Variants in PDE4D observed in about 807,000 individuals in gnomAD.
PDE4D encodes phosphodiesterase 4D.
In PDE4D, 24 loss-of-function variants were observed where a neutral mutation model predicts 87.4. The ratio of observed to expected loss-of-function variants is 0.27; its 90% CI spans 0.20 to 0.39. The LOEUF (loss-of-function observed/expected upper bound fraction) is 0.39. Among genes scored for constraint, PDE4D ranks in the 10% least tolerant of loss-of-function variants. The pLI is 1.00. For synonymous variants in PDE4D, 384 were observed against 383.2 expected, an observed-to-expected ratio of 1.00 and a Z score of -0.02; for missense variants, 714 against 1,041.0, an observed-to-expected ratio of 0.69 and a Z score of 4.32.
At chr5:59,041,545 G>A (rs1427502852) in intron 5 of PDE4D, among the ~76,000 whole-genome samples, 1 of 152,164 alleles carries the variant, frequency 6.6e-6, no homozygotes, top group East Asian at 1.9e-4. Flanking sequence ...TCCATAGTTA[G>A]CCTATCCAGT....
At chr5:59,036,268 A>G (rs2291852) in intron 6 of PDE4D, among the ~76,000 whole-genome samples, 19,756 of 152,218 alleles carry the variant, frequency 0.13, 1,930 homozygotes, top group East Asian at 0.49. Flanking sequence ...TTTTCAATCT[A>G]TTAGAGTAAA....
At chr5:60,011,179 G>A (rs1334977817) in intron 2 of PDE4D, among the ~76,000 whole-genome samples, 1 of 152,140 alleles carries the variant, frequency 6.6e-6, no homozygotes, top group Non-Finnish European at 1.5e-5. Flanking sequence ...TTTTCATAGA[G>A]AATTTCAAAC....
At chr5:60,301,843 T>C (rs2149793456) in intron 1 of PDE4D, among the ~76,000 whole-genome samples, 1 of 152,326 alleles carries the variant, frequency 6.6e-6, no homozygotes, top group East Asian at 1.9e-4. Flanking sequence ...TTGAGGTATG[T>C]TCATTCAATA....
At chr5:59,822,738 G>A (rs939282995) in intron 1 of PDE4D, among the ~76,000 whole-genome samples, 7 of 152,144 alleles carry the variant, frequency 4.6e-5, no homozygotes, top group African/African-American at 1.7e-4. Flanking sequence ...GTCCAATCCA[G>A]CTTTATACGT....
At chr5:59,488,656 T>C (rs1305054516) in intron 1 of PDE4D, among the ~76,000 whole-genome samples, 2 of 148,964 alleles carry the variant, frequency 1.3e-5, no homozygotes, top group Admixed American at 1.3e-4. Flanking sequence ...TCAAAAAATA[T>C]AACCACTAGA....
At chr5:59,044,087 G>A (rs1760214816) in intron 5 of PDE4D, among the ~76,000 whole-genome samples, 1 of 152,132 alleles carries the variant, frequency 6.6e-6, no homozygotes, top group Non-Finnish European at 1.5e-5. Context: ...GGGATGGCTG[G>A]GTCAAATGGT....
chr5:59,511,058 A>C (rs895045605), intron 1 of PDE4D, among the ~76,000 whole-genome samples: 3 of 151,978 alleles, frequency 2.0e-5, no homozygotes, highest in Non-Finnish European at 4.4e-5. Context: ...TTTGGTTACA[A>C]AATGACAGGG....
chr5:59,814,034 A>G (rs1768688304), intron 1 of PDE4D, among the ~76,000 whole-genome samples: 1 of 152,230 alleles, frequency 6.6e-6, no homozygotes, highest in Admixed American at 6.5e-5. Flanking sequence ...GGAAGACGAG[A>G]TAATTTAGCG....
chr5:60,431,185 T>C, intron 1 of PDE4D: 1 of 191,560 alleles, frequency 5.2e-6, no homozygotes, highest in Non-Finnish European at 1.0e-5. Flanking sequence ...CCCCCCCACC[T>C]CCCTCCCAGA....
At chr5:59,644,356 T>C (rs965971012) in intron 1 of PDE4D, among the ~76,000 whole-genome samples, 1 of 152,214 alleles carries the variant, frequency 6.6e-6, no homozygotes, top group Non-Finnish European at 1.5e-5. Context: ...ACTTCTAGGA[T>C]TTCTCTCAGT....
chr5:59,529,512 A>G (rs1368762583), intron 1 of PDE4D, among the ~76,000 whole-genome samples: 1 of 152,158 alleles, frequency 6.6e-6, no homozygotes, highest in African/African-American at 2.4e-5. Flanking sequence ...ACAAGCATTG[A>G]CCTTTGAAGA....
At chr5:60,017,418 A>C (rs1005504835) in intron 2 of PDE4D, among the ~76,000 whole-genome samples, 6 of 152,080 alleles carry the variant, frequency 3.9e-5, no homozygotes, top group Non-Finnish European at 7.4e-5. Flanking sequence ...CCCCACATGC[A>C]TTAGCTATTT....
intron 1 of PDE4D, among the ~76,000 whole-genome samples, chr5:60,385,230 T>C (rs1249143276): frequency 6.6e-6 from 1 of 152,186 alleles, no homozygotes; most frequent in Admixed American, 6.5e-5. Flanking sequence ...TAGGAGGGTA[T>C]GGAAGAATGG....
intron 1 of PDE4D, among the ~76,000 whole-genome samples, chr5:59,644,620 G>A (rs1470410840): frequency 6.6e-6 from 1 of 152,152 alleles, no homozygotes; most frequent in Non-Finnish European, 1.5e-5. Context: ...TAGTTCATAG[G>A]TTCTCATCAC....
chr5:59,663,402 T>A (rs298055), intron 1 of PDE4D, among the ~76,000 whole-genome samples: 61,110 of 151,900 alleles, frequency 0.4, 12,953 homozygotes, highest in East Asian at 0.69. Context: ...AACTCCTGAC[T>A]TCAGGTGATC....
rs552895037 is a variant in PDE4D, at chr5:59,732,436, G to A, written c.455+160732C>T. Among the ~76,000 whole-genome samples the A allele has an allele frequency of 2.5e-4, 31 of 124,082 alleles. 1 individual carries two copies. The highest frequency in any genetic ancestry group is 4.9e-4 in the South Asian group (2 of 4,096). The allele number at this position is 124,082 out of a possible 152,430, so 81.4% of individuals were successfully genotyped here. On this transcript the variant is annotated intron_variant, in intron 1 of 14. Coordinates refer to ENST00000340635, the MANE Select transcript of PDE4D (RefSeq NM_001104631.2). ...CACACACACACACACACTCACTCAC[G>A]CACAGAGAGAAAGGAAGAGAAAACA...
At chr5:59,173,916 T>A (rs1783412610) in intron 5 of PDE4D, among the ~76,000 whole-genome samples, 2 of 152,206 alleles carry the variant, frequency 1.3e-5, no homozygotes, top group Non-Finnish European at 1.5e-5. Flanking sequence ...CTATTAGATC[T>A]CTCTATATTT....
At chr5:59,371,586 T>C (rs908703740) in intron 1 of PDE4D, among the ~76,000 whole-genome samples, 30 of 152,180 alleles carry the variant, frequency 2.0e-4, no homozygotes, top group African/African-American at 7.0e-4. Flanking sequence ...CTACCACACT[T>C]TGTTTAGCTG....
At chr5:59,505,255 G>T (rs1249310812) in intron 1 of PDE4D, among the ~76,000 whole-genome samples, 5 of 152,162 alleles carry the variant, frequency 3.3e-5, no homozygotes, top group Non-Finnish European at 5.9e-5. Flanking sequence ...ATTAGCAGAA[G>T]TTGAAAACAT....
Sources: gnomAD v4.1 joint callset for allele counts (sites outside exome capture counted in the v4.1 genomes callset) on GRCh38, gnomAD v4.1.1 for gene constraint, MANE v1.5 for transcripts, NCBI Gene and HGNC (gene_info 2026-07-23, HGNC 2026-07-21) for gene names.